AXIN2: variants seen among roughly 807,000 people sequenced by gnomAD.
AXIN2 encodes the protein axin-2.
AXIN2 carries 21 observed loss-of-function variants against 74.7 expected under a neutral mutation model. That is an observed-to-expected ratio of 0.28 (90% CI 0.20 to 0.40). The LOEUF is 0.40. Ranked by LOEUF, AXIN2 falls within the 10% of genes least tolerant of loss-of-function variation. AXIN2 has a pLI of 1.00. For missense variants in AXIN2, 1,144 were observed against 1,111.1 expected, an observed-to-expected ratio of 1.03 and a Z score of -0.42; for synonymous variants, 532 against 454.9, an observed-to-expected ratio of 1.17 and a Z score of -2.16.
rs767834824 is a variant in AXIN2, at chr17:65,557,976, G to A, written c.645C>T (p.Leu215=). 68 of 1,614,012 alleles carry A rather than the reference G, an allele frequency of 4.2e-5. No homozygotes were observed. Among genetic ancestry groups the A allele is most frequent in the Non-Finnish European group, 5.3e-5 (62 of 1,180,044 alleles). Residue 215 remains leucine, a synonymous_variant, in exon 2 of 11, where the codon CTC becomes CTT. Coordinates refer to ENST00000307078, the MANE Select transcript of AXIN2 (RefSeq NM_004655.4). ...ENTAYMSNGG[L]GSLKVVCGYL... ...AGCCACACACGACCTTTAGGCTCCC[G>A]AGTCCCCCATTACTCATGTAAGCTG...
At chr17:65,539,369 A>T (rs965162202) in intron 4 of AXIN2, among the ~76,000 whole-genome samples, 6 of 152,198 alleles carry the variant, frequency 3.9e-5, no homozygotes, top group African/African-American at 1.4e-4. Context: ...AAGAAGAGAA[A>T]GGCTCCTGTG....
At chr17:65,545,581 A>G (rs2044107025) in intron 3 of AXIN2, among the ~76,000 whole-genome samples, 1 of 152,080 alleles carries the variant, frequency 6.6e-6, no homozygotes, top group Non-Finnish European at 1.5e-5. Flanking sequence ...CCAGCTACCC[A>G]GGAGGCGGAG....
intron 3 of AXIN2, among the ~76,000 whole-genome samples, chr17:65,549,097 C>T (rs908873788): frequency 2.6e-5 from 4 of 152,214 alleles, no homozygotes; most frequent in Non-Finnish European, 5.9e-5. Context: ...TAAACACAGA[C>T]CCTTCTAATG....
At chr17:65,552,555 C>A (rs1245812357) in intron 2 of AXIN2, among the ~76,000 whole-genome samples, 1 of 152,206 alleles carries the variant, frequency 6.6e-6, no homozygotes, top group Non-Finnish European at 1.5e-5. Context: ...GGCTTGGCTG[C>A]AGTGCTCACT....
intron 2 of AXIN2, among the ~76,000 whole-genome samples, chr17:65,551,568 G>A (rs1174508649): frequency 6.6e-6 from 1 of 152,186 alleles, no homozygotes; most frequent in Non-Finnish European, 1.5e-5. Context: ...TACAGGCAGG[G>A]AGCCCTGGGG....
chr17:65,557,851 G>T lies in AXIN2; in HGVS notation c.770C>A (p.Ala257Asp). 1 of 1,614,164 alleles carries T rather than the reference G, an allele frequency of 6.2e-7. No homozygotes were observed. Among genetic ancestry groups the T allele is most frequent in the South Asian group, 1.1e-5 (1 of 91,076 alleles). Residue 257 changes from alanine (A) to aspartate (D), a missense_variant, in exon 2 of 11, where the codon GCC (alanine) becomes GAC (aspartate). Physicochemically the swap from Ala to Asp is moderately radical, Grantham distance 126 (BLOSUM62 -2). Transcript: ENST00000307078. ...TTCCGTGGACCTCACACTCGCCGTG[G>T]CCCTCAGAGTTTTGCTGGACAAGCC... The part of the protein sequence containing the change: ...VVGLSSKTLR[A>D]TASVRSTETV...
rs767180472 is a variant in AXIN2 at position 65,537,855 on chromosome 17, AAGG to A, written c.1201-23_1201-21del. On this transcript the variant is annotated intron_variant, in intron 5 of 10. Transcript: ENST00000307078. Reference sequence around the variant, plus strand: ...TTCATCCTGAAAGGGAAGACGTCAGAAGGAGAAGTGACCCAGGAAGCAGAAGGG... The same window carrying A: ...TTCATCCTGAAAGGGAAGACGTCAGAAGAAGTGACCCAGGAAGCAGAAGGG... The A allele has an allele frequency of 3.5e-5, 53 of 1,529,374 alleles. 1 individual carries two copies. Among genetic ancestry groups the A allele is most frequent in the East Asian group, 1.4e-4 (6 of 43,072 alleles). 94.7% of individuals were successfully genotyped at this position (1,529,374 alleles called of 1,614,324 possible). A position where few individuals can be genotyped will look rare whatever the true frequency, so the allele number is the denominator to read the frequency against.
At chr17:65,548,575 C>A (rs1363361550) in intron 3 of AXIN2, among the ~76,000 whole-genome samples, 1 of 152,160 alleles carries the variant, frequency 6.6e-6, no homozygotes, top group Admixed American at 6.5e-5. Flanking sequence ...GAATCTCAAC[C>A]GGGTGTTGGG....
At position 65,558,356 on chromosome 17, in the gene AXIN2, G is replaced by C. The variant is rs1250947526; in HGVS notation, c.265C>G (p.Gln89Glu). 1 of 1,614,058 alleles carries C rather than the reference G, an allele frequency of 6.2e-7. No individual in the cohort carries two copies. Among genetic ancestry groups the C allele is most frequent in the Non-Finnish European group, 8.5e-7 (1 of 1,179,926 alleles). ...TKSLHSLLGDQDGAYLFRTFL... is the reference protein window; with the variant it reads ...TKSLHSLLGDEDGAYLFRTFL... ...GTTCGGAACAGGTAAGCACCGTCTTGATCGCCCAATAAGGAGTGTAAGGAC... is the reference window on the plus strand; with the variant it reads ...GTTCGGAACAGGTAAGCACCGTCTTCATCGCCCAATAAGGAGTGTAAGGAC... The change falls in exon 2 of 11, where the codon CAA becomes GAA. Residue 89 changes from glutamine (Q) to glutamate (E), a missense_variant. By Grantham distance (29) the Gln-to-Glu change is conservative. This residue lies in a region of AXIN2 where 1,053 missense variants were observed against 973.5 expected (regional missense o/e 1.08). Transcript: ENST00000307078.
intron 4 of AXIN2, among the ~76,000 whole-genome samples, chr17:65,539,514 T>C (rs2044009591): frequency 6.6e-6 from 1 of 152,190 alleles, no homozygotes; most frequent in African/African-American, 2.4e-5. Flanking sequence ...TTTTCTTTGT[T>C]AACTCACATA....
intron 10 of AXIN2, among the ~76,000 whole-genome samples, 178 bp downstream of exon 10, chr17:65,533,734 T>C (rs2043860915): frequency 6.6e-6 from 1 of 152,188 alleles, no homozygotes; most frequent in Non-Finnish European, 1.5e-5. Context: ...GCTGCTTCGT[T>C]ATTGCTGCTA....
intron 2 of AXIN2, among the ~76,000 whole-genome samples, chr17:65,554,157 C>G (rs1404697009): frequency 6.6e-6 from 1 of 152,194 alleles, no homozygotes; most frequent in Non-Finnish European, 1.5e-5. Flanking sequence ...CCCTGCCCCT[C>G]CCCATAAACC....
At position 65,529,640 on chromosome 17, in the gene AXIN2, A is replaced by G; in HGVS notation, c.*336T>C. On this transcript the variant is annotated 3_prime_UTR_variant, in exon 11 of 11. Coordinates refer to ENST00000307078, the MANE Select transcript of AXIN2 (RefSeq NM_004655.4). ...GGATTCCTGTTCAGGTAAGCTATAC[A>G]CAGTTTCTCTTAGTTTATGGATTTC... The G allele has an allele frequency of 4.5e-6, 2 of 439,782 alleles. No individual in the cohort carries two copies. Among genetic ancestry groups the G allele is most frequent in the Non-Finnish European group, 8.5e-6 (2 of 235,938 alleles). 27.2% of individuals were successfully genotyped at this position (439,782 alleles called of 1,614,324 possible).
chr17:65,545,610 C>T (rs998854873), intron 3 of AXIN2, among the ~76,000 whole-genome samples: 2 of 152,036 alleles, frequency 1.3e-5, no homozygotes, highest in Non-Finnish European at 1.5e-5. Flanking sequence ...GAGCCAAGAT[C>T]GCGCCACTGC....
chr17:65,554,360 T>A lies in AXIN2; in HGVS notation c.815+3446A>T, dbSNP rs572236227. ...TTCCAAGAGCCCTCTGAAAATTTAC[T>A]CACAAGGTCACTGCCCAAAAGGCAA... On this transcript the variant is annotated intron_variant, in intron 2 of 10. Coordinates refer to ENST00000307078, the MANE Select transcript of AXIN2 (RefSeq NM_004655.4). Among the ~76,000 whole-genome samples, 6 of 152,342 alleles carry A rather than the reference T, an allele frequency of 3.9e-5. No homozygotes were observed. In the South Asian group the frequency reaches 1.2e-3, roughly 32 times the overall value.
At chr17:65,531,187 T>C (rs2043809453) in intron 10 of AXIN2, among the ~76,000 whole-genome samples, 1 of 46,208 alleles carries the variant, frequency 2.2e-5, no homozygotes, top group South Asian at 1.3e-3. Context: ...GCTTTGTCTT[T>C]TCCCTTTAAA....
At chr17:65,556,157 A>G (rs889287275) in intron 2 of AXIN2, among the ~76,000 whole-genome samples, 15 of 152,194 alleles carry the variant, frequency 9.9e-5, no homozygotes, top group African/African-American at 3.6e-4. Flanking sequence ...TTCACAGCAG[A>G]GCCCTGCCTG....
Position 65,536,378 on chromosome 17 carries a change from C to T in AXIN2, c.2083G>A (p.Ala695Thr), listed in dbSNP as rs140510381. The T allele has an allele frequency of 2.5e-6, 4 of 1,613,746 alleles. No homozygotes were observed. Among genetic ancestry groups the T allele is most frequent in the Non-Finnish European group, 3.4e-6 (4 of 1,179,998 alleles). The change falls in exon 8 of 11, where the codon GCT becomes ACT. Residue 695 changes from alanine (A) to threonine (T), a missense_variant. Transcript: ENST00000307078. ...CTGCGACAGGCCTCCTCCAGCTGAGCCAGCGTGTTGGGTGGGGTCAGGGGA... is the reference window on the plus strand; with the variant it reads ...CTGCGACAGGCCTCCTCCAGCTGAGTCAGCGTGTTGGGTGGGGTCAGGGGA... ...MPPLTPPNTLAQLEEACRRLA... is the reference protein window; with the variant it reads ...MPPLTPPNTLTQLEEACRRLA...
At chr17:65,548,173 G>C (rs1047631905) in intron 3 of AXIN2, among the ~76,000 whole-genome samples, 1 of 152,176 alleles carries the variant, frequency 6.6e-6, no homozygotes, top group South Asian at 2.1e-4. Flanking sequence ...GATGAAAGAC[G>C]TGTACTAATG....
Sources: gnomAD v4.1 joint callset for allele counts (sites outside exome capture counted in the v4.1 genomes callset) on GRCh38, gnomAD v4.1.1 for gene constraint, gnomAD v4.1.1 regional missense constraint, MANE v1.5 for transcripts, NCBI Gene and HGNC (gene_info 2026-07-23, HGNC 2026-07-21) for gene names.